The following KIF27 variants were observed in gnomAD, a reference collection of about 807,000 sequenced individuals.
KIF27 encodes the protein kinesin-like protein KIF27.
A neutral mutation model predicts 141.8 loss-of-function variants in KIF27; 84 were observed. The ratio of observed to expected loss-of-function variants is 0.59; its 90% confidence interval spans 0.50 to 0.71. The LOEUF (loss-of-function observed/expected upper bound fraction) is 0.71, where lower values mean the gene tolerates loss of function less well. Among genes scored for constraint, KIF27 ranks in the 30% least tolerant of loss-of-function variants. The pLI, the probability that KIF27 is intolerant of heterozygous loss-of-function variation, is 0.00. For synonymous variants in KIF27, 471 were observed against 569.5 expected, an observed-to-expected ratio of 0.83 and a Z score of 2.46; for missense variants, 1,306 against 1,628.4, an observed-to-expected ratio of 0.80 and a Z score of 3.41.
At chr9:83,887,409 CATGT>C (rs1340801901) in intron 8 of KIF27, among the ~76,000 whole-genome samples, 1 of 152,160 alleles carries the variant, frequency 6.6e-6, no homozygotes, top group Non-Finnish European at 1.5e-5. Context: ...CAAATTAATA[CATGT>C]ATGTATATAT....
Position 83,891,294 on chromosome 9 carries a change from C to T in KIF27, c.1809+1G>A. On this transcript the variant is annotated splice_donor_variant, in intron 6 of 17. Transcript: ENST00000297814. LOFTEE classifies it high-confidence loss of function. ...TAAGGAAAAGATTGTTTGGACTTTA[C>T]CTTCCTGGAATCTTGTCTTGATGGG... is the stretch of plus-strand genomic sequence containing the variant. 4 of 1,609,562 alleles carry T rather than the reference C, an allele frequency of 2.5e-6. No homozygotes were observed. The highest frequency in any genetic ancestry group is 3.4e-6 in the Non-Finnish European group (4 of 1,177,804).
intron 16 of KIF27, chr9:83,848,046 CATATATCTATATATCATATATATG>C (rs1238236881): frequency 9.3e-5 from 8 of 86,484 alleles, no homozygotes; most frequent in Non-Finnish European, 1.6e-4. Flanking sequence ...TATATATCTA[CATATATCTATATATCATATATATG>C]ATATATGATA....
chr9:83,860,271 C>T (rs564462560), intron 13 of KIF27, among the ~76,000 whole-genome samples: 16 of 152,278 alleles, frequency 1.1e-4, no homozygotes, highest in African/African-American at 3.8e-4. Flanking sequence ...TTCCCCTCCC[C>T]CAAGCTTTTA....
At chr9:83,888,431 G>A (rs1952327873) in intron 8 of KIF27, 58 bp downstream of exon 8, 1 of 729,208 alleles carries the variant, frequency 1.4e-6, no homozygotes, top group African/African-American at 1.8e-5. Context: ...ATCAACTGAG[G>A]AAAAAGATAA....
At chr9:83,857,309 T>G (rs1406738857) in intron 14 of KIF27, among the ~76,000 whole-genome samples, 1 of 152,216 alleles carries the variant, frequency 6.6e-6, no homozygotes, top group Non-Finnish European at 1.5e-5. Context: ...CACATCAGAA[T>G]CTCATGTTCT....
At chr9:83,917,182 G>A (rs1223848148) in intron 1 of KIF27, among the ~76,000 whole-genome samples, 2 of 151,006 alleles carry the variant, frequency 1.3e-5, no homozygotes, top group Non-Finnish European at 2.9e-5. Context: ...CCTTCCTGTG[G>A]CAGAACACTC....
chr9:83,890,442 T>C (rs1289895695), intron 6 of KIF27, among the ~76,000 whole-genome samples: 1 of 152,236 alleles, frequency 6.6e-6, no homozygotes, highest in African/African-American at 2.4e-5. Context: ...TAGTTTTCTT[T>C]TGTGAGAGTT....
intron 17 of KIF27, among the ~76,000 whole-genome samples, chr9:83,838,023 G>A (rs926857195): frequency 3.3e-5 from 5 of 152,198 alleles, no homozygotes; most frequent in African/African-American, 4.8e-5. Flanking sequence ...AAATGGAGAT[G>A]AGAGAATATG....
intron 13 of KIF27, among the ~76,000 whole-genome samples, chr9:83,865,004 CTTTT>C (rs1227635745): frequency 6.6e-6 from 1 of 152,076 alleles, no homozygotes; most frequent in Non-Finnish European, 1.5e-5. Flanking sequence ...CAACCCCTGC[CTTTT>C]TTTGTTTTCC....
At chr9:83,844,996 CA>C (rs973995264) in intron 16 of KIF27, among the ~76,000 whole-genome samples, 2 of 152,168 alleles carry the variant, frequency 1.3e-5, no homozygotes, top group Non-Finnish European at 2.9e-5. Context: ...GGGTCCACAA[CA>C]GGAGAAGGCT....
chr9:83,910,693 C>A (rs893795660), intron 2 of KIF27, among the ~76,000 whole-genome samples: 38 of 152,202 alleles, frequency 2.5e-4, no homozygotes, highest in Non-Finnish European at 5.9e-5. Flanking sequence ...CTCTACACCT[C>A]TTCTCCTCCA....
At chr9:83,882,467 T>A (rs1951758293) in intron 10 of KIF27, among the ~76,000 whole-genome samples, 1 of 152,228 alleles carries the variant, frequency 6.6e-6, no homozygotes, top group Non-Finnish European at 1.5e-5. Context: ...TTTCCACATT[T>A]GTAAAATGGC....
At chr9:83,896,181 T>G (rs1454157170) in intron 5 of KIF27, among the ~76,000 whole-genome samples, 2 of 152,080 alleles carry the variant, frequency 1.3e-5, no homozygotes, top group African/African-American at 4.8e-5. Context: ...AGGCAGAGGT[T>G]GCAGTGAGCG....
At position 83,853,641 on chromosome 9, in the gene KIF27, T is replaced by A; in HGVS notation, c.3345A>T (p.Arg1115Ser). ...CTCAAAAACAAACCTTATTGAAATA[T>A]CTGAAAAGAATAGTTCTAATCTCAA... ...SPVEIRTILF[R>S]YFNKVVNLRE... Residue 1115 changes from arginine to serine, a missense_variant, in exon 15 of 18, where the codon AGA (arginine) becomes AGT (serine). Transcript: ENST00000297814. 4 of 1,612,960 alleles carry A rather than the reference T, an allele frequency of 2.5e-6. No individual in the cohort carries two copies. Among genetic ancestry groups the A allele is most frequent in the South Asian group, 1.1e-5 (1 of 91,040 alleles).
intron 14 of KIF27, among the ~76,000 whole-genome samples, chr9:83,857,461 T>G (rs167180): frequency 0.29 from 44,417 of 151,674 alleles, 6,697 homozygotes; most frequent in African/African-American, 0.39. Context: ...TGTGAGTAAG[T>G]AGAACTCTAC....
intron 3 of KIF27, 52 bp downstream of exon 3, chr9:83,908,400 T>C: frequency 9.4e-7 from 1 of 1,068,914 alleles, no homozygotes; most frequent in Non-Finnish European, 1.4e-6. Context: ...ATTAAAGCAT[T>C]AAAGCATGTC....
intron 16 of KIF27, among the ~76,000 whole-genome samples, chr9:83,844,824 T>G (rs2131543755): frequency 6.6e-6 from 1 of 152,302 alleles, no homozygotes; most frequent in East Asian, 1.9e-4. Flanking sequence ...ATATTCCTTC[T>G]AAGGTGAAGG....
At chr9:83,902,073 C>T (rs535982415) in intron 4 of KIF27, among the ~76,000 whole-genome samples, 1 of 152,152 alleles carries the variant, frequency 6.6e-6, no homozygotes, top group South Asian at 2.1e-4. Flanking sequence ...AAGAAGTCGT[C>T]CTGTGATCAA....
chr9:83,847,249 G>A (rs917265280), intron 16 of KIF27, among the ~76,000 whole-genome samples: 6 of 152,196 alleles, frequency 3.9e-5, no homozygotes, highest in Admixed American at 6.5e-5. Context: ...AACGAGGACT[G>A]TAACTGTCAT....
Sources: allele counts gnomAD v4.1 joint callset (sites outside exome capture counted in the v4.1 genomes callset), GRCh38; gene constraint gnomAD v4.1.1; transcripts MANE v1.5; gene names NCBI Gene and HGNC (gene_info 2026-07-23, HGNC 2026-07-21).